The following AKT3 variants were observed in gnomAD, a reference collection of about 807,000 sequenced individuals.
AKT3 encodes the protein AKT serine/threonine kinase 3.
AKT3 carries 15 observed loss-of-function variants against 65.3 expected under a neutral mutation model. That is an observed-to-expected ratio of 0.23 (90% confidence interval 0.15 to 0.35). AKT3 has a LOEUF of 0.35. Among genes scored for constraint, AKT3 ranks in the 10% least tolerant of loss-of-function variants. The pLI, the probability that AKT3 is intolerant of heterozygous loss-of-function variation, is 1.00. For synonymous variants in AKT3, 206 were observed against 183.8 expected (o/e 1.12, Z -0.98); for missense variants, 243 against 576.5 (o/e 0.42, Z 5.92).
intron 2 of AKT3, among the ~76,000 whole-genome samples, chr1:243,710,999 T>A (rs1686113326): frequency 6.6e-6 from 1 of 152,166 alleles, no homozygotes; most frequent in Non-Finnish European, 1.5e-5. Flanking sequence ...CTTTTTTAAG[T>A]ATGAAAAATA....
intron 1 of AKT3, among the ~76,000 whole-genome samples, chr1:243,849,711 G>A (rs1572452595): frequency 6.6e-6 from 1 of 151,494 alleles, no homozygotes; most frequent in Admixed American, 6.6e-5. Flanking sequence ...GGCCGGGGCA[G>A]CCCAGACACA....
At chr1:243,673,888 CA>C (rs1683324322) in intron 3 of AKT3, among the ~76,000 whole-genome samples, 1 of 152,198 alleles carries the variant, frequency 6.6e-6, no homozygotes. Flanking sequence ...GCTGGGATTA[CA>C]GGCGTGAGCC....
At chr1:243,850,333 A>G, upstream of AKT3, among the ~76,000 whole-genome samples, 1 of 131,978 alleles carries the variant, frequency 7.6e-6, no homozygotes. Context: ...AGGGGGAGGG[A>G]GGAGAGAGGG....
chr1:243,495,650 G>A (rs1369397605), downstream of AKT3, among the ~76,000 whole-genome samples: 2 of 152,226 alleles, frequency 1.3e-5, no homozygotes, highest in Non-Finnish European at 2.9e-5. Flanking sequence ...GGGGCCTGAG[G>A]GTGGCTGACT....
intron 2 of AKT3, among the ~76,000 whole-genome samples, chr1:243,836,161 TACAAA>T (rs1694876770): frequency 2.0e-5 from 3 of 151,906 alleles, no homozygotes; most frequent in African/African-American, 7.3e-5. Flanking sequence ...ACAGTTTAAA[TACAAA>T]ACAAAGACTA....
chr1:243,650,876 G>C (rs549337035), intron 4 of AKT3, among the ~76,000 whole-genome samples: 4 of 152,216 alleles, frequency 2.6e-5, no homozygotes, highest in Non-Finnish European at 5.9e-5. Context: ...GGATTGTCTT[G>C]GCTATGCGGG....
intron 2 of AKT3, among the ~76,000 whole-genome samples, chr1:243,809,379 A>G (rs1422179002): frequency 1.3e-5 from 2 of 152,242 alleles, no homozygotes; most frequent in African/African-American, 4.8e-5. Context: ...CAAGGGCTGC[A>G]ATCCTAGTCT....
chr1:243,526,962 A>G (rs1163927756), intron 12 of AKT3, among the ~76,000 whole-genome samples: 3 of 152,124 alleles, frequency 2.0e-5, no homozygotes, highest in Non-Finnish European at 4.4e-5. Flanking sequence ...TATACTTTAA[A>G]GGGTGAATTA....
At chr1:243,538,979 C>A (rs1672111039) in intron 12 of AKT3, among the ~76,000 whole-genome samples, 1 of 152,040 alleles carries the variant, frequency 6.6e-6, no homozygotes, top group South Asian at 2.1e-4. Flanking sequence ...TTGACGACAT[C>A]AACTATCTTT....
intron 2 of AKT3, among the ~76,000 whole-genome samples, chr1:243,732,994 C>T (rs762670596): frequency 6.6e-6 from 1 of 152,220 alleles, no homozygotes; most frequent in Non-Finnish European, 1.5e-5. Context: ...TTCAAGTAAG[C>T]ATTATGCACA....
rs141807155 is a variant in AKT3 at position 243,671,433 on chromosome 1, G to C, written c.173-6550C>G. On this transcript the variant is annotated intron_variant, in intron 3 of 13. Coordinates refer to ENST00000673466, the MANE Select transcript of AKT3 (RefSeq NM_005465.7). ...TGAAATAATGCTGGCTGTGAGTTATGATGACCATAAACCAAATTTATTTTT... is the reference window on the plus strand; with the variant it reads ...TGAAATAATGCTGGCTGTGAGTTATCATGACCATAAACCAAATTTATTTTT... Among the ~76,000 whole-genome samples the C allele has an allele frequency of 1.9e-3, 290 of 152,256 alleles. 1 individual carries two copies. Among genetic ancestry groups the C allele is most frequent in the South Asian group, 0.013 (62 of 4,826 alleles).
At chr1:243,815,616 CTT>C (rs200053952) in intron 2 of AKT3, among the ~76,000 whole-genome samples, 4 of 140,930 alleles carry the variant, frequency 2.8e-5, no homozygotes, top group Admixed American at 7.1e-5. Flanking sequence ...ATCTATATTG[CTT>C]TTTTTTTTTT....
At chr1:243,644,342 C>A (rs186252327) in intron 5 of AKT3, among the ~76,000 whole-genome samples, 88 of 152,110 alleles carry the variant, frequency 5.8e-4, no homozygotes, top group African/African-American at 2.0e-3. Context: ...CTTGAAAAAA[C>A]CAGTAGAACT....
intron 13 of AKT3, among the ~76,000 whole-genome samples, chr1:243,507,486 A>G (rs1316393457): frequency 6.6e-6 from 1 of 152,102 alleles, no homozygotes; most frequent in Non-Finnish European, 1.5e-5. Flanking sequence ...AGGCGTGAAC[A>G]TCTGATCATG....
intron 8 of AKT3, among the ~76,000 whole-genome samples, chr1:243,609,900 CCCT>C (rs1418968742): frequency 1.3e-5 from 2 of 152,174 alleles, no homozygotes; most frequent in East Asian, 3.9e-4. Context: ...CCAGGTAGCG[CCCT>C]CTAGGAAGCT....
Position 243,652,879 on chromosome 1 carries a change from T to C in AKT3, c.285-6842A>G, listed in dbSNP as rs182102989. Among the ~76,000 whole-genome samples, 253 of 147,540 alleles carry C rather than the reference T, an allele frequency of 1.7e-3. 6 individuals are homozygous for C. The highest frequency in any genetic ancestry group is 4.0e-4 in the Non-Finnish European group (27 of 67,044). On this transcript the variant is annotated intron_variant, in intron 4 of 13. Coordinates refer to ENST00000673466, the MANE Select transcript of AKT3 (RefSeq NM_005465.7). ...GACAAAGAAAGGCATTACATAATGG[T>C]AAAGGGATCGATGCAACAAAAAGAG...
chr1:243,499,843 T>C lies in AKT3; in HGVS notation c.*5406A>G. ...CAAAGAGATATTTACATTCATCTGG[T>C]TTAGACTTAATATGCCACAACGCAC... is the stretch of plus-strand genomic sequence containing the variant. On this transcript the variant is annotated 3_prime_UTR_variant, in exon 14 of 14. Transcript: ENST00000673466. 2 of 1,547,102 alleles carry C rather than the reference T, an allele frequency of 1.3e-6. No homozygotes were observed. The highest frequency in any genetic ancestry group is 2.2e-5 in the South Asian group (2 of 89,262).
downstream of AKT3, among the ~76,000 whole-genome samples, chr1:243,496,957 G>A (rs781585724): frequency 2.6e-5 from 4 of 152,154 alleles, no homozygotes; most frequent in East Asian, 1.9e-4. Context: ...GCGCCCTGTC[G>A]CCCCCCTCTG....
At chr1:243,742,261 T>C (rs1309685102) in intron 2 of AKT3, among the ~76,000 whole-genome samples, 5 of 152,146 alleles carry the variant, frequency 3.3e-5, no homozygotes, top group African/African-American at 1.2e-4. Context: ...ATTGAAAATT[T>C]TTTTAAAAAA....
Sources: allele counts gnomAD v4.1 joint callset (sites outside exome capture counted in the v4.1 genomes callset), GRCh38; gene constraint gnomAD v4.1.1; transcripts MANE v1.5; gene names NCBI Gene and HGNC (gene_info 2026-07-23, HGNC 2026-07-21).